GLIS3: variants seen among roughly 807,000 people sequenced by gnomAD.
GLIS3 encodes the protein GLIS family zinc finger 3.
In GLIS3, 53 loss-of-function variants were observed where a neutral mutation model predicts 78.6. The ratio of observed to expected loss-of-function variants is 0.67; its 90% CI spans 0.54 to 0.85. GLIS3 has a LOEUF of 0.85. Among genes scored for constraint, GLIS3 ranks in the 40% least tolerant of loss-of-function variants. The pLI is 0.00. For synonymous variants in GLIS3, 684 were observed against 509.9 expected, an observed-to-expected ratio of 1.34 and a Z score of -4.60; for missense variants, 1,703 against 1,231.1, an observed-to-expected ratio of 1.38 and a Z score of -5.74.
At chr9:4,035,214 A>C (rs1824202332) in intron 4 of GLIS3, among the ~76,000 whole-genome samples, 1 of 152,134 alleles carries the variant, frequency 6.6e-6, no homozygotes, top group African/African-American at 2.4e-5. Context: ...TTTTATGGCA[A>C]ATGTTATCTC....
intron 4 of GLIS3, among the ~76,000 whole-genome samples, chr9:4,027,360 A>C (rs1242768333): frequency 6.6e-6 from 1 of 152,244 alleles, no homozygotes; most frequent in Non-Finnish European, 1.5e-5. Context: ...AGTTTTGCTA[A>C]AATAGTTCAC....
chr9:4,426,840 G>T, the GLIS3 span, among the ~76,000 whole-genome samples: 1 of 152,200 alleles, frequency 6.6e-6, no homozygotes, highest in East Asian at 1.9e-4. Context: ...AGGATCAAAT[G>T]ACCTGATCCA....
the GLIS3 span, among the ~76,000 whole-genome samples, chr9:4,489,134 T>C: frequency 1.3e-5 from 2 of 152,158 alleles, no homozygotes; most frequent in Non-Finnish European, 1.5e-5. Flanking sequence ...CCCAAAGTCC[T>C]GAGATTACAG....
chr9:4,216,304 C>T (rs1222140541), intron 2 of GLIS3, among the ~76,000 whole-genome samples: 1 of 151,838 alleles, frequency 6.6e-6, no homozygotes, highest in Non-Finnish European at 1.5e-5. Context: ...AACCCCGCCT[C>T]TACTAAAAAT....
chr9:4,173,221 G>A (rs1816522271), intron 2 of GLIS3, among the ~76,000 whole-genome samples: 1 of 152,076 alleles, frequency 6.6e-6, no homozygotes, highest in Non-Finnish European at 1.5e-5. Flanking sequence ...AATACAAGTG[G>A]GAAAAACAAG....
the GLIS3 span, among the ~76,000 whole-genome samples, chr9:4,457,901 C>G: frequency 0.31 from 46,320 of 151,110 alleles, 7,684 homozygotes; most frequent in Middle Eastern, 0.42. Flanking sequence ...GGTTAAAAAT[C>G]CAAGACCTAA....
chr9:3,999,624 G>C (rs1275905664), intron 4 of GLIS3, among the ~76,000 whole-genome samples: 2 of 152,018 alleles, frequency 1.3e-5, no homozygotes, highest in Non-Finnish European at 2.9e-5. Flanking sequence ...ATAATTAAGA[G>C]ACAAAGCATA....
rs1403671770 is a variant in GLIS3 at position 3,953,795 on chromosome 9, C to CTCTATA, written c.1711-16607_1711-16606insTATAGA. On this transcript the variant is annotated intron_variant, in intron 4 of 10. Coordinates refer to ENST00000381971, the MANE Select transcript of GLIS3 (RefSeq NM_001042413.2). Reference sequence around the variant, plus strand: ...TCTCTCTCTCTCTCTCTCTCTCTCTCTATATATATATATATATATATATAT... The same window carrying CTCTATA: ...TCTCTCTCTCTCTCTCTCTCTCTCTCTCTATATATATATATATATATATATATATAT... 4.4e-3 allele frequency among the ~76,000 whole-genome samples: 324 copies of CTCTATA among 73,020 alleles called. 1 individual carries two copies. The highest frequency in any genetic ancestry group is 1.0e-2 in the East Asian group (19 of 1,902). The allele number at this position is 73,020 out of a possible 152,430, so 47.9% of individuals were successfully genotyped here.
At chr9:4,437,764 G>C in the GLIS3 span, among the ~76,000 whole-genome samples, 2 of 152,054 alleles carry the variant, frequency 1.3e-5, no homozygotes, top group Admixed American at 6.6e-5. Flanking sequence ...CTCTTCCTCA[G>C]CCTACTTGTT....
At chr9:4,286,836 G>C (rs948360173) in intron 1 of GLIS3, among the ~76,000 whole-genome samples, 1 of 152,156 alleles carries the variant, frequency 6.6e-6, no homozygotes, top group African/African-American at 2.4e-5. Flanking sequence ...TTGTTCCCTA[G>C]AGGATCTGTC....
intron 3 of GLIS3, among the ~76,000 whole-genome samples, chr9:4,121,598 G>C (rs1198219133): frequency 6.9e-6 from 1 of 144,196 alleles, no homozygotes; most frequent in East Asian, 2.1e-4. Context: ...AATAAAACAG[G>C]GTTTGGGAAA....
At chr9:4,298,336 C>T (rs1362746132) in intron 1 of GLIS3, 2 of 455,642 alleles carry the variant, frequency 4.4e-6, no homozygotes, top group Non-Finnish European at 8.8e-6. Context: ...TCGGAGGGCG[C>T]GAACGCGGAG....
intron 2 of GLIS3, among the ~76,000 whole-genome samples, chr9:4,165,204 G>A (rs939879615): frequency 2.0e-5 from 3 of 152,180 alleles, no homozygotes; most frequent in East Asian, 1.9e-4. Context: ...ACTTTGGGAG[G>A]CTGAGATGGG....
rs757964651 is a variant in GLIS3 at position 4,118,358 on chromosome 9, C to A, written c.1120G>T (p.Val374Leu). ...GGCAGCGCCAGGCCTCCAGGGGCCACCAGCACGCCCTTCTGGCTGCCGGGC... is the reference window on the plus strand; with the variant it reads ...GGCAGCGCCAGGCCTCCAGGGGCCAACAGCACGCCCTTCTGGCTGCCGGGC... Reference protein sequence around the residue: ...PVPGSQKGVLVAPGGLALPAY... With the variant: ...PVPGSQKGVLLAPGGLALPAY... Residue 374 changes from valine (V) to leucine (L), a missense_variant, in exon 4 of 11, where the codon GTG becomes TTG. By Grantham distance (32) the Val-to-Leu change is conservative. Transcript: ENST00000381971. This position sits in a 1 kb window ranked among gnomAD's most constrained non-coding sequence, Gnocchi z 4.7. 9.3e-5 allele frequency: 148 copies of A among 1,586,200 alleles called. No individual in the cohort carries two copies. The highest frequency in any genetic ancestry group is 1.2e-4 in the Non-Finnish European group (141 of 1,170,160).
At chr9:4,460,705 G>A in the GLIS3 span, among the ~76,000 whole-genome samples, 2,109 of 152,298 alleles carry the variant, frequency 0.014, 46 homozygotes, top group African/African-American at 0.048. Context: ...TTGGCAAAGA[G>A]GGACAGAAAA....
At chr9:3,975,003 A>T (rs1406278634) in intron 4 of GLIS3, 1 of 152,170 alleles carries the variant, frequency 6.6e-6, no homozygotes, top group Non-Finnish European at 1.5e-5. Flanking sequence ...GCATGCGAAG[A>T]GGGGAGAGAA....
chr9:3,833,496 A>G (rs1008632541), intron 9 of GLIS3, among the ~76,000 whole-genome samples: 1 of 152,062 alleles, frequency 6.6e-6, no homozygotes, highest in African/African-American at 2.4e-5. Context: ...GACCCAAAGC[A>G]AAATGAGGCA....
At chr9:4,334,055 T>C (rs1302659935) in intron 2 of GLIS3, among the ~76,000 whole-genome samples, 1 of 152,150 alleles carries the variant, frequency 6.6e-6, no homozygotes, top group Admixed American at 6.5e-5. Flanking sequence ...GACAATACTC[T>C]AGTCTCATAA....
intron 8 of GLIS3, among the ~76,000 whole-genome samples, chr9:3,876,574 T>C (rs1196200418): frequency 1.4e-5 from 2 of 141,668 alleles, no homozygotes; most frequent in Non-Finnish European, 3.0e-5. Flanking sequence ...CAGTGATATC[T>C]GCAACCATCT....
Sources: allele counts gnomAD v4.1 joint callset (sites outside exome capture counted in the v4.1 genomes callset), GRCh38; gene constraint gnomAD v4.1.1; non-coding constraint Gnocchi (gnomAD v3.1); transcripts MANE v1.5; gene names NCBI Gene and HGNC (gene_info 2026-07-23, HGNC 2026-07-21).